Variants in BACH2 observed in about 807,000 individuals in gnomAD.
The protein encoded by BACH2 is BACH transcriptional regulator 2, also known as transcription regulator protein BACH2.
In BACH2, 5 loss-of-function variants were observed where a neutral mutation model predicts 61.8. The ratio of observed to expected loss-of-function variants is 0.08; its 90% CI spans 0.04 to 0.17. BACH2 has a LOEUF of 0.17. BACH2 is among the 10% of genes least tolerant of loss of function. BACH2 has a pLI of 1.00. For missense variants in BACH2, 824 were observed against 1,091.1 expected (o/e 0.76, Z 3.45); for synonymous variants, 446 against 440.1 (o/e 1.01, Z -0.17).
intron 3 of BACH2, among the ~76,000 whole-genome samples, chr6:90,220,489 A>G (rs1769703033): frequency 6.6e-6 from 1 of 152,222 alleles, no homozygotes; most frequent in Admixed American, 6.5e-5. Context: ...CTGTTTATTC[A>G]GGCTAACAAG....
intron 5 of BACH2, among the ~76,000 whole-genome samples, chr6:90,035,795 G>T (rs1460105388): frequency 6.6e-6 from 1 of 151,812 alleles, no homozygotes; most frequent in East Asian, 1.9e-4. Flanking sequence ...AATTATAGAC[G>T]TTTAGGCTCA....
intron 5 of BACH2, among the ~76,000 whole-genome samples, chr6:90,044,386 T>C (rs1779683759): frequency 2.0e-5 from 3 of 152,124 alleles, no homozygotes; most frequent in African/African-American, 7.2e-5. Flanking sequence ...CTCTGATGAC[T>C]CAAAAGGCCA....
At chr6:90,226,338 C>A (rs1027289288) in intron 3 of BACH2, among the ~76,000 whole-genome samples, 3 of 152,142 alleles carry the variant, frequency 2.0e-5, no homozygotes, top group Non-Finnish European at 4.4e-5. Context: ...AGGAGACTCC[C>A]TGACTGCTCA....
At chr6:89,987,928 T>A (rs1776332140) in intron 6 of BACH2, among the ~76,000 whole-genome samples, 1 of 152,172 alleles carries the variant, frequency 6.6e-6, no homozygotes, top group South Asian at 2.1e-4. Flanking sequence ...TGATAGTATT[T>A]TCATTTACTC....
At chr6:90,185,289 T>TTAAA (rs1316988311) in intron 4 of BACH2, among the ~76,000 whole-genome samples, 2 of 152,188 alleles carry the variant, frequency 1.3e-5, no homozygotes, top group Admixed American at 1.3e-4. Context: ...TTTTTACACA[T>TTAAA]TAAATGTCTG....
At chr6:89,944,736 T>C (rs1462657217) in intron 7 of BACH2, among the ~76,000 whole-genome samples, 2 of 151,396 alleles carry the variant, frequency 1.3e-5, no homozygotes, top group African/African-American at 4.9e-5. Flanking sequence ...CTTACTCTCA[T>C]ACACTTTTAT....
chr6:90,096,594 A>G (rs1782390022), intron 4 of BACH2, among the ~76,000 whole-genome samples: 1 of 152,228 alleles, frequency 6.6e-6, no homozygotes, highest in South Asian at 2.1e-4. Flanking sequence ...CAATACATGA[A>G]TGAAGATCAG....
intron 4 of BACH2, among the ~76,000 whole-genome samples, chr6:90,093,113 C>T (rs545186323): frequency 1.3e-4 from 20 of 152,214 alleles, no homozygotes; most frequent in East Asian, 7.7e-4. Flanking sequence ...AAAGAAATAC[C>T]GAAGAAACTT....
intron 3 of BACH2, among the ~76,000 whole-genome samples, chr6:90,224,034 T>C (rs529156900): frequency 2.6e-4 from 39 of 152,350 alleles, no homozygotes; most frequent in Admixed American, 9.8e-4. Flanking sequence ...TGGGAAATTT[T>C]GGCACCTGAA....
intron 1 of BACH2, among the ~76,000 whole-genome samples, chr6:90,292,024 C>A (rs1562546094): frequency 6.6e-6 from 1 of 152,158 alleles, no homozygotes; most frequent in Non-Finnish European, 1.5e-5. Context: ...CAGATTTTGA[C>A]AAATATGTTA....
chr6:90,021,654 A>C (rs1398898480), intron 5 of BACH2, among the ~76,000 whole-genome samples: 1 of 152,230 alleles, frequency 6.6e-6, no homozygotes, highest in Non-Finnish European at 1.5e-5. Context: ...AAAGTTTTCA[A>C]GTCTATAGAC....
At position 90,008,645 on chromosome 6, in the gene BACH2, A is replaced by C; in HGVS notation, c.200T>G (p.Val67Gly). ...ACSEYFWQAL[V>G]GQTKNDLVVS... Reference sequence around the variant, plus strand: ...CACCAAATCATTTTTTGTCTGTCCAACCAGCGCCTGCCAAAAATATTCACT... The same window carrying C: ...CACCAAATCATTTTTTGTCTGTCCACCCAGCGCCTGCCAAAAATATTCACT... The change falls in exon 6 of 9, where the codon GTT (valine) becomes GGT (glycine). Residue 67 changes from valine to glycine, a missense_variant. Coordinates refer to ENST00000257749, the MANE Select transcript of BACH2 (RefSeq NM_021813.4). The surrounding 1 kb of genome is among the most constrained non-coding windows in gnomAD (Gnocchi z 4.1). 6.2e-7 allele frequency: 1 copy of C among 1,614,206 alleles called. No homozygotes were observed. Among genetic ancestry groups the C allele is most frequent in the Non-Finnish European group, 8.5e-7 (1 of 1,180,038 alleles).
chr6:90,162,548 G>A (rs576652000), intron 4 of BACH2, among the ~76,000 whole-genome samples: 1 of 152,192 alleles, frequency 6.6e-6, no homozygotes, highest in East Asian at 1.9e-4. Flanking sequence ...AGTCTGAGGT[G>A]GGAGGATCAC....
chr6:90,105,448 G>A (rs1192176430), intron 4 of BACH2, among the ~76,000 whole-genome samples: 1 of 152,130 alleles, frequency 6.6e-6, no homozygotes, highest in Non-Finnish European at 1.5e-5. Context: ...TTTGTAATGT[G>A]TTTATCAGCA....
chr6:90,153,676 T>C (rs1353416522), intron 4 of BACH2, among the ~76,000 whole-genome samples: 1 of 152,170 alleles, frequency 6.6e-6, no homozygotes, highest in African/African-American at 2.4e-5. Context: ...CCAATCTCTC[T>C]CCATGCTAAT....
intron 4 of BACH2, among the ~76,000 whole-genome samples, chr6:90,130,010 C>G (rs1460668445): frequency 6.6e-6 from 1 of 152,174 alleles, no homozygotes; most frequent in African/African-American, 2.4e-5. Flanking sequence ...GCTGGGATTA[C>G]AGGTGCTCAC....
chr6:90,246,269 C>T (rs953313952), intron 3 of BACH2, among the ~76,000 whole-genome samples: 1 of 152,158 alleles, frequency 6.6e-6, no homozygotes, highest in Non-Finnish European at 1.5e-5. Flanking sequence ...GATTACTGTA[C>T]TTTTATAAGT....
intron 4 of BACH2, among the ~76,000 whole-genome samples, chr6:90,135,863 T>C (rs929146223): frequency 2.0e-5 from 3 of 152,208 alleles, no homozygotes; most frequent in Non-Finnish European, 2.9e-5. Flanking sequence ...GGAATGTGGA[T>C]GATACACTGA....
intron 4 of BACH2, among the ~76,000 whole-genome samples, chr6:90,104,595 T>G (rs1290092407): frequency 6.6e-6 from 1 of 152,198 alleles, no homozygotes; most frequent in Admixed American, 6.5e-5. Flanking sequence ...TGCCTTATGA[T>G]CTCTCCCTTA....
Sources: gnomAD v4.1 joint callset for allele counts (sites outside exome capture counted in the v4.1 genomes callset) on GRCh38, gnomAD v4.1.1 for gene constraint, Gnocchi (gnomAD v3.1) non-coding constraint, MANE v1.5 for transcripts, NCBI Gene and HGNC (gene_info 2026-07-23, HGNC 2026-07-21) for gene names.